The following PHLPP1 variants were observed in gnomAD, a reference collection of about 807,000 sequenced individuals.
PHLPP1 encodes PH domain leucine-rich repeat-containing protein phosphatase 1.
In PHLPP1, 42 loss-of-function variants were observed where a neutral mutation model predicts 117.2. The observed-to-expected ratio is 0.36, with a 90% confidence interval of 0.28 to 0.46. The LOEUF (loss-of-function observed/expected upper bound fraction) is 0.46. Among genes scored for constraint, PHLPP1 ranks in the 20% least tolerant of loss-of-function variants. The probability of loss-of-function intolerance (pLI) is 1.00; values close to 1 mark genes in which losing one functional copy is unlikely to be tolerated. For synonymous variants in PHLPP1, 1,042 were observed against 970.7 expected, an observed-to-expected ratio of 1.07 and a Z score of -1.37; for missense variants, 2,084 against 2,241.9, an observed-to-expected ratio of 0.93 and a Z score of 1.42.
At chr18:62,878,595 A>C (rs1314935105) in intron 4 of PHLPP1, among the ~76,000 whole-genome samples, 1 of 152,200 alleles carries the variant, frequency 6.6e-6, no homozygotes, top group African/African-American at 2.4e-5. Context: ...GGATGATGAC[A>C]CCAGAACTGG....
chr18:62,756,644 T>C (rs1319603054), intron 1 of PHLPP1, among the ~76,000 whole-genome samples: 3 of 152,138 alleles, frequency 2.0e-5, no homozygotes, highest in Non-Finnish European at 4.4e-5. Context: ...CATAACACTT[T>C]TGGAAACGAC....
intron 1 of PHLPP1, among the ~76,000 whole-genome samples, chr18:62,725,877 C>G (rs1911053528): frequency 1.3e-5 from 2 of 152,122 alleles, no homozygotes; most frequent in Non-Finnish European, 2.9e-5. Flanking sequence ...AGTAAAGGAA[C>G]TTTTAAAAAA....
chr18:62,935,778 C>T (rs1015873135), intron 10 of PHLPP1, among the ~76,000 whole-genome samples: 5 of 151,976 alleles, frequency 3.3e-5, no homozygotes, highest in Non-Finnish European at 5.9e-5. Context: ...CCGAGGTGGG[C>T]GGATCACCTG....
intron 3 of PHLPP1, among the ~76,000 whole-genome samples, chr18:62,853,730 C>A (rs1915420366): frequency 6.6e-6 from 1 of 152,226 alleles, no homozygotes; most frequent in Non-Finnish European, 1.5e-5. Context: ...CAACTGATCA[C>A]AACTTGAATC....
intron 4 of PHLPP1, among the ~76,000 whole-genome samples, chr18:62,861,425 A>G (rs1599088437): frequency 6.6e-6 from 1 of 152,204 alleles, no homozygotes; most frequent in South Asian, 2.1e-4. Flanking sequence ...CATTTAAACT[A>G]GAAGAGAGGG....
rs1365734448 is a variant in PHLPP1, at chr18:62,980,302, T to C, written c.*871T>C. ...GACAGACACTTTTAACTGTGTTCCT[T>C]ACTGCTGCCACAATCAGCATGGTTG... On this transcript the variant is annotated 3_prime_UTR_variant, in exon 17 of 17. Transcript: ENST00000262719. 6.5e-6 allele frequency: 1 copy of C among 152,748 alleles called. No individual in the cohort carries two copies. Among genetic ancestry groups the C allele is most frequent in the Non-Finnish European group, 1.5e-5 (1 of 68,080 alleles). The allele number at this position is 152,748 out of a possible 1,614,324, so 9.5% of individuals were successfully genotyped here.
rs2144493253 is a variant in PHLPP1, at chr18:62,975,644, T to G, written c.3984+19T>G. ...CACTGAGGTGAGAAAACAGGGGTGT[T>G]GCCCAGGATGGTGGAGAGGAGAGGA... On this transcript the variant is annotated intron_variant, in intron 16 of 16. Coordinates refer to ENST00000262719, the MANE Select transcript of PHLPP1 (RefSeq NM_194449.4). 1 of 1,527,856 alleles carries G rather than the reference T, an allele frequency of 6.5e-7. No homozygotes were observed. 94.6% of individuals were successfully genotyped at this position (1,527,856 alleles called of 1,614,324 possible).
chr18:62,897,549 C>T (rs964948166), intron 6 of PHLPP1, among the ~76,000 whole-genome samples: 1 of 152,104 alleles, frequency 6.6e-6, no homozygotes, highest in African/African-American at 2.4e-5. Flanking sequence ...GTCTGTCGCC[C>T]AGGCTGGAGT....
chr18:62,766,076 A>ATATACATATATATATAT lies in PHLPP1; in HGVS notation c.1576+48817_1576+48818insTATACATATATATATAT, dbSNP rs1555670395. ...ACTCCATCTCAAAAAAAAAAAAAAA[A>ATATACATATATATATAT]ATATATATATATATATATATATATA... On this transcript the variant is annotated intron_variant, in intron 1 of 16. Coordinates refer to ENST00000262719, the MANE Select transcript of PHLPP1 (RefSeq NM_194449.4). Among the ~76,000 whole-genome samples, 7 of 21,660 alleles carry ATATACATATATATATAT rather than the reference A, an allele frequency of 3.2e-4. 1 individual carries two copies. In the East Asian group the frequency reaches 0.023, roughly 72 times the overall value. The allele number at this position is 21,660 out of a possible 152,430, so 14.2% of individuals were successfully genotyped here.
rs1568127680 is a variant in PHLPP1 at position 62,821,548 on chromosome 18, C to CAAAA, written c.1577-8487_1577-8486insAAAA. ...TGGGTGACAGAGTGAGACCCTTTAT[C>CAAAA]CAAAAAAAAAAAAAAAAAAAAAAGA... On this transcript the variant is annotated intron_variant, in intron 1 of 16. Coordinates refer to ENST00000262719, the MANE Select transcript of PHLPP1 (RefSeq NM_194449.4). Among the ~76,000 whole-genome samples the CAAAA allele has an allele frequency of 1.0e-3, 30 of 29,146 alleles. 4 individuals are homozygous for CAAAA. Among genetic ancestry groups the CAAAA allele is most frequent in the South Asian group, 4.8e-3 (2 of 414 alleles). The allele number at this position is 29,146 out of a possible 152,430, so 19.1% of individuals were successfully genotyped here.
chr18:62,918,722 G>A lies in PHLPP1; in HGVS notation c.2805-1237G>A, dbSNP rs377186275. Among the ~76,000 whole-genome samples the A allele has an allele frequency of 1.2e-4, 18 of 152,128 alleles. 1 individual carries two copies. In the South Asian group the frequency reaches 3.7e-3, roughly 32 times the overall value. On this transcript the variant is annotated intron_variant, in intron 9 of 16. Coordinates refer to ENST00000262719, the MANE Select transcript of PHLPP1 (RefSeq NM_194449.4). ...AGATTTTTAACTCTTGTGGATTGAA[G>A]GATACAAAATTTGGATTAGACAGGA...
At chr18:62,721,516 C>T (rs1170560486) in intron 1 of PHLPP1, among the ~76,000 whole-genome samples, 1 of 151,826 alleles carries the variant, frequency 6.6e-6, no homozygotes, top group Non-Finnish European at 1.5e-5. Flanking sequence ...AAATATTTCT[C>T]ATTAAATATC....
intron 1 of PHLPP1, among the ~76,000 whole-genome samples, chr18:62,796,930 A>G (rs1913644856): frequency 6.6e-6 from 1 of 152,200 alleles, no homozygotes; most frequent in Admixed American, 6.5e-5. Flanking sequence ...GGGAAGAGAA[A>G]TTCTATTTTC....
At chr18:62,767,993 G>A (rs138351097) in intron 1 of PHLPP1, among the ~76,000 whole-genome samples, 5 of 152,190 alleles carry the variant, frequency 3.3e-5, no homozygotes, top group African/African-American at 7.2e-5. Flanking sequence ...GAGAGTTGAC[G>A]TGAGGCTCAA....
At chr18:62,854,335 G>A (rs1599084323) in intron 3 of PHLPP1, among the ~76,000 whole-genome samples, 2 of 152,098 alleles carry the variant, frequency 1.3e-5, no homozygotes, top group African/African-American at 2.4e-5. Context: ...TTTTGATTAG[G>A]TGCTCACTGG....
intron 2 of PHLPP1, chr18:62,838,553 G>T: frequency 2.4e-6 from 1 of 412,828 alleles, no homozygotes; most frequent in Non-Finnish European, 4.3e-6. Flanking sequence ...AGAAAGAGGA[G>T]AATTTCACTG....
At chr18:62,958,849 C>A in intron 13 of PHLPP1, 90 bp downstream of exon 13, 1 of 1,426,572 alleles carries the variant, frequency 7.0e-7, no homozygotes, top group East Asian at 2.3e-5. Flanking sequence ...AAATATGAAG[C>A]ATCATTGACT....
chr18:62,880,432 C>T (rs2144383447), intron 4 of PHLPP1, among the ~76,000 whole-genome samples: 1 of 152,168 alleles, frequency 6.6e-6, no homozygotes, highest in Admixed American at 6.5e-5. Flanking sequence ...TCCAAGTATA[C>T]TTGTGAATCT....
Position 62,896,002 on chromosome 18 carries a change from T to G in PHLPP1, c.2435T>G (p.Val812Gly). Residue 812 changes from valine (V) to glycine (G), a missense_variant, in exon 6 of 17, where the codon GTG (valine) becomes GGG (glycine). This residue lies in a region of PHLPP1 where 1,365 missense variants were observed against 1,605.9 expected (regional missense o/e 0.85). Coordinates refer to ENST00000262719, the MANE Select transcript of PHLPP1 (RefSeq NM_194449.4). ...ALRKMPHIKH[V>G]DLRLNVIRKL... is the part of the protein sequence containing the mutation. ...AGAAAAATGCCTCACATTAAACATG[T>G]GGATCTAAGGTAACCATTTTTGAGA... is the stretch of plus-strand genomic sequence containing the variant. The G allele has an allele frequency of 6.2e-7, 1 of 1,601,332 alleles. No individual in the cohort carries two copies. The highest frequency in any genetic ancestry group is 8.6e-7 in the Non-Finnish European group (1 of 1,168,668).
Sources: gnomAD v4.1 joint callset for allele counts (sites outside exome capture counted in the v4.1 genomes callset) on GRCh38, gnomAD v4.1.1 for gene constraint, gnomAD v4.1.1 regional missense constraint, MANE v1.5 for transcripts, NCBI Gene and HGNC (gene_info 2026-07-23, HGNC 2026-07-21) for gene names.